Variants in KPNA2 observed in about 807,000 individuals in gnomAD.
KPNA2 encodes karyopherin subunit alpha 2.
Under a neutral mutation model 53.7 loss-of-function variants are expected in KPNA2, and 20 were observed. The ratio of observed to expected loss-of-function variants is 0.37; its 90% CI spans 0.26 to 0.54. The LOEUF is 0.54. Among genes scored for constraint, KPNA2 ranks in the 20% least tolerant of loss-of-function variants. KPNA2 has a pLI of 0.83. For missense variants in KPNA2, 515 were observed against 640.3 expected (o/e 0.80, Z 2.11); for synonymous variants, 238 against 227.5 (o/e 1.05, Z -0.42).
intron 9 of KPNA2, chr17:68,045,499 C>T (rs2071317729): frequency 6.6e-6 from 2 of 303,474 alleles, no homozygotes; most frequent in East Asian, 5.5e-5. Context: ...TTAAAAGTTG[C>T]CCGCATGATT....
intron 9 of KPNA2, among the ~76,000 whole-genome samples, chr17:68,045,242 T>A (rs1555705258): frequency 2.6e-5 from 4 of 152,214 alleles, no homozygotes; most frequent in African/African-American, 7.2e-5. Flanking sequence ...TTTTTTCATC[T>A]ATAGATATTT....
Position 68,042,152 on chromosome 17 carries a change from T to G in KPNA2, c.370T>G (p.Phe124Val). 6.2e-7 allele frequency: 1 copy of G among 1,614,020 alleles called. No homozygotes were observed. The highest frequency in any genetic ancestry group is 8.5e-7 in the Non-Finnish European group (1 of 1,179,872). ...AATCCGGGCTGGTTTGATTCCGAAA[T>G]TTGTGTCCTTCTTGGGCAGAACTGA... ...NIIRAGLIPK[F>V]VSFLGRTDCS... The change falls in exon 5 of 11, where the codon TTT becomes GTT. Residue 124 changes from phenylalanine to valine, a missense_variant. By Grantham distance (50) the Phe-to-Val change is conservative (BLOSUM62 -1). Coordinates refer to ENST00000330459, the MANE Select transcript of KPNA2 (RefSeq NM_002266.4).
At chr17:68,040,529 T>C (rs557037693) in intron 3 of KPNA2, 149 bp from the exon 4 acceptor site, 2 of 559,364 alleles carry the variant, frequency 3.6e-6, no homozygotes, top group East Asian at 6.0e-5. Context: ...ATAATGAATA[T>C]TTAACAGGCA....
At chr17:68,046,182 A>G (rs1203828387) in intron 10 of KPNA2, among the ~76,000 whole-genome samples, 1 of 152,198 alleles carries the variant, frequency 6.6e-6, no homozygotes, top group Non-Finnish European at 1.5e-5. Context: ...AGGGTAAGTT[A>G]ACGGGTGTCA....
chr17:68,039,730 A>G (rs559589606), intron 3 of KPNA2, among the ~76,000 whole-genome samples: 1 of 151,326 alleles, frequency 6.6e-6, no homozygotes, highest in East Asian at 2.0e-4. Context: ...TGGTGAGCCG[A>G]GATCACGCCA....
intron 9 of KPNA2, 47 bp downstream of exon 9, chr17:68,044,550 A>C: frequency 6.6e-7 from 1 of 1,508,990 alleles, no homozygotes; most frequent in South Asian, 1.2e-5. Flanking sequence ...CTTGATAATA[A>C]TCAGTTTACT....
intron 7 of KPNA2, 117 bp downstream of exon 7, chr17:68,043,480 G>C: frequency 7.3e-6 from 7 of 962,368 alleles, no homozygotes; most frequent in Non-Finnish European, 1.1e-5. Flanking sequence ...AAGGCAGGTG[G>C]ATCACCTGAG....
intron 1 of KPNA2, chr17:68,036,118 G>C (rs1179646791): frequency 1.3e-5 from 2 of 152,290 alleles, no homozygotes; most frequent in African/African-American, 4.8e-5. Flanking sequence ...GAATGTCCCG[G>C]GAGGACTTGT....
At chr17:68,044,235 T>G (rs1349231014) in intron 8 of KPNA2, 86 bp from the exon 9 acceptor site, 2 of 1,396,512 alleles carry the variant, frequency 1.4e-6, no homozygotes, top group Admixed American at 3.9e-5. Flanking sequence ...CTTGGTACTT[T>G]CAGTCATTGT....
Position 68,042,317 on chromosome 17 carries a change from A to G in KPNA2, c.535A>G (p.Ser179Gly). 6.2e-7 allele frequency: 1 copy of G among 1,614,206 alleles called. No individual in the cohort carries two copies. The highest frequency in any genetic ancestry group is 8.5e-7 in the Non-Finnish European group (1 of 1,180,010). The change falls in exon 5 of 11, where the codon AGT (serine) becomes GGT (glycine). Residue 179 changes from serine to glycine, a missense_variant. By Grantham distance (56) the Ser-to-Gly change is moderately conservative. Coordinates refer to ENST00000330459, the MANE Select transcript of KPNA2 (RefSeq NM_002266.4). ...SLLASPHAHI[S>G]EQAVWALGNI... ...GTTGGCATCTCCCCATGCTCACATC[A>G]GTGAACAAGCTGTCTGGGCTCTAGG...
chr17:68,043,802 A>G (rs781791362), intron 7 of KPNA2, 36 bp from the exon 8 acceptor site: 1 of 1,358,702 alleles, frequency 7.4e-7, no homozygotes, highest in South Asian at 1.2e-5. Flanking sequence ...TGCTGGGGAA[A>G]AAATAACCAG....
At chr17:68,045,136 C>T (rs1568278286) in intron 9 of KPNA2, among the ~76,000 whole-genome samples, 1 of 151,110 alleles carries the variant, frequency 6.6e-6, no homozygotes, top group African/African-American at 2.4e-5. Flanking sequence ...TGGATGCTAG[C>T]GTATCTGTTA....
chr17:68,043,024 T>C, intron 6 of KPNA2, 25 bp downstream of exon 6: 1 of 1,611,318 alleles, frequency 6.2e-7, no homozygotes, highest in Non-Finnish European at 8.5e-7. Context: ...TGAGTAAAGT[T>C]ACTCACTTCT....
chr17:68,039,535 C>A (rs180906959), intron 3 of KPNA2, among the ~76,000 whole-genome samples: 346 of 151,916 alleles, frequency 2.3e-3, no homozygotes, highest in Non-Finnish European at 3.5e-3. Context: ...AATCCCATTA[C>A]TTTGGGAGGC....
At chr17:68,036,991 C>T in intron 1 of KPNA2, 119 bp from the exon 2 acceptor site, 2 of 715,804 alleles carry the variant, frequency 2.8e-6, no homozygotes, top group South Asian at 1.6e-5. Context: ...CATGATGATC[C>T]CCCCTCTAGT....
intron 4 of KPNA2, 30 bp downstream of exon 4, chr17:68,040,796 C>T: frequency 1.3e-6 from 2 of 1,494,582 alleles, no homozygotes; most frequent in Non-Finnish European, 1.8e-6. Context: ...GCATGGGTAG[C>T]CTAAGAAATT....
chr17:68,040,823 T>TC, intron 4 of KPNA2, 57 bp downstream of exon 4: 1 of 1,046,028 alleles, frequency 9.6e-7, no homozygotes, highest in Non-Finnish European at 1.4e-6. Context: ...TTTAGATTTT[T>TC]TTTTGGGGGG....
In KPNA2 at chr17:68,046,545, A is replaced by G; in HGVS notation, c.1539A>G (p.Glu513=). 6.2e-7 allele frequency: 1 copy of G among 1,612,180 alleles called. No homozygotes were observed. Among genetic ancestry groups the G allele is most frequent in the Non-Finnish European group, 8.5e-7 (1 of 1,178,612 alleles). Residue 513 remains glutamate, a synonymous_variant, in exon 11 of 11, where the codon GAA becomes GAG. Transcript: ENST00000330459. ...DQNVVPETTS[E]GYTFQVQDGA... is the part of the protein sequence containing the mutation. ...ACGTTGTACCAGAAACTACCTCTGA[A>G]GGCTACACTTTCCAAGTTCAGGATG...
rs1136736 is a variant in KPNA2 at position 68,044,350 on chromosome 17, G to A, written c.1194G>A (p.Val398=). Residue 398 remains valine (V), a synonymous_variant, in exon 9 of 11, where the codon GTG becomes GTA. Coordinates refer to ENST00000330459, the MANE Select transcript of KPNA2 (RefSeq NM_002266.4). ...ATTTTAAGACACAAAAGGAAGCTGT[G>A]TGGGCCGTGACCAACTATACCAGTG... ...KADFKTQKEA[V]WAVTNYTSGG... The A allele has an allele frequency of 4.3e-6, 7 of 1,613,862 alleles. No individual in the cohort carries two copies. Among genetic ancestry groups the A allele is most frequent in the Non-Finnish European group, 5.9e-6 (7 of 1,179,946 alleles).
Sources: allele counts gnomAD v4.1 joint callset (sites outside exome capture counted in the v4.1 genomes callset), GRCh38; gene constraint gnomAD v4.1.1; transcripts MANE v1.5; gene names NCBI Gene and HGNC (gene_info 2026-07-23, HGNC 2026-07-21).